The following SH3D19 variants were observed in gnomAD, a reference collection of about 807,000 sequenced individuals.
The protein encoded by SH3D19 is SH3 domain-containing protein 19.
SH3D19 carries 58 observed loss-of-function variants against 112.1 expected under a neutral mutation model. That is an observed-to-expected ratio of 0.52 (90% CI 0.42 to 0.64). SH3D19 has a LOEUF of 0.64. Ranked by LOEUF, SH3D19 falls within the 30% of genes least tolerant of loss-of-function variation. SH3D19 has a pLI of 0.00. For synonymous variants in SH3D19, 391 were observed against 448.5 expected, an observed-to-expected ratio of 0.87 and a Z score of 1.62; for missense variants, 1,090 against 1,263.4, an observed-to-expected ratio of 0.86 and a Z score of 2.08.
intron 1 of SH3D19, among the ~76,000 whole-genome samples, chr4:151,299,306 C>T (rs6844983): frequency 0.34 from 51,484 of 151,980 alleles, 9,958 homozygotes; most frequent in Non-Finnish European, 0.45. Context: ...CATGGCTGGG[C>T]GCAGTGGCTC....
At chr4:151,182,951 G>T (rs1241832299) in intron 3 of SH3D19, among the ~76,000 whole-genome samples, 1 of 151,700 alleles carries the variant, frequency 6.6e-6, no homozygotes, top group Non-Finnish European at 1.5e-5. Context: ...TTTTCAGTTA[G>T]AGTTATCCTA....
intron 2 of SH3D19, among the ~76,000 whole-genome samples, chr4:151,204,409 T>C (rs2149892704): frequency 6.6e-6 from 1 of 152,344 alleles, no homozygotes; most frequent in Non-Finnish European, 1.5e-5. Context: ...TAACTCTTAA[T>C]AGGGTTTACA....
chr4:151,282,582 AT>A (rs1421016267), intron 1 of SH3D19, among the ~76,000 whole-genome samples: 6 of 152,164 alleles, frequency 3.9e-5, no homozygotes, highest in Non-Finnish European at 8.8e-5. Flanking sequence ...TGACATTTAT[AT>A]TTTTATGTTA....
In SH3D19 at chr4:151,175,638, G is replaced by A; in HGVS notation, c.566C>T (p.Ser189Leu). Reference protein sequence around the residue: ...QAPLKPLQPFSAVSSGNLPTN... With the variant: ...QAPLKPLQPFLAVSSGNLPTN... ...TGGAAGATTGCCAGACGAGACTGCT[G>A]AGAAAGGCTGAAGAGGCTTGAGAGG... Residue 189 changes from serine to leucine, a missense_variant, in exon 7 of 20, where the codon TCA becomes TTA. By Grantham distance (145) the Ser-to-Leu change is moderately radical. Coordinates refer to ENST00000604030, the MANE Select transcript of SH3D19 (RefSeq NM_001378122.1). 1 of 1,309,594 alleles carries A rather than the reference G, an allele frequency of 7.6e-7. No homozygotes were observed. The highest frequency in any genetic ancestry group is 9.7e-7 in the Non-Finnish European group (1 of 1,035,474). The allele number at this position is 1,309,594 out of a possible 1,614,324, so 81.1% of individuals were successfully genotyped here. A position where few individuals can be genotyped will look rare whatever the true frequency, so the allele number is the denominator to read the frequency against.
At chr4:151,314,975 C>T (rs948667730) in intron 1 of SH3D19, among the ~76,000 whole-genome samples, 17 of 152,132 alleles carry the variant, frequency 1.1e-4, no homozygotes, top group African/African-American at 4.1e-4. Flanking sequence ...CAACCCCATT[C>T]AACAACTTTT....
intron 3 of SH3D19, among the ~76,000 whole-genome samples, chr4:151,183,051 G>T (rs896179327): frequency 2.0e-5 from 3 of 150,376 alleles, no homozygotes; most frequent in Non-Finnish European, 4.4e-5. Context: ...GAGTGCAGTG[G>T]CACGACCTTG....
At chr4:151,200,408 T>A (rs1191472650) in intron 2 of SH3D19, among the ~76,000 whole-genome samples, 1 of 152,204 alleles carries the variant, frequency 6.6e-6, no homozygotes, top group Non-Finnish European at 1.5e-5. Flanking sequence ...TAACCATTAT[T>A]AAAAATTAAG....
At chr4:151,187,802 T>C (rs1239435908) in intron 2 of SH3D19, among the ~76,000 whole-genome samples, 1 of 152,236 alleles carries the variant, frequency 6.6e-6, no homozygotes, top group Non-Finnish European at 1.5e-5. Context: ...CTTATGGCTC[T>C]TTTGTGTTTG....
At chr4:151,216,877 C>CTGTGTGTGTGTG (rs34575245) in intron 2 of SH3D19, among the ~76,000 whole-genome samples, 333 of 140,866 alleles carry the variant, frequency 2.4e-3, no homozygotes, top group African/African-American at 5.4e-3. Context: ...CAAAACAACA[C>CTGTGTGTGTGTG]TGTGTGTGTG....
Position 151,291,310 on chromosome 4 carries a change from G to A in SH3D19, c.112+33931C>T, listed in dbSNP as rs777014882. On this transcript the variant is annotated intron_variant, in intron 1 of 19. Transcript: ENST00000604030. ...CTTCTCTGACTTCTTGTTCCCTATT[G>A]TCCTACTCTCTCTGGCTCTCCTGCG... The A allele has an allele frequency of 2.2e-5, 36 of 1,613,812 alleles. No homozygotes were observed. Among genetic ancestry groups the A allele is most frequent in the Non-Finnish European group, 2.5e-5 (29 of 1,179,874 alleles).
rs138385834 is a variant in SH3D19 at position 151,121,783 on chromosome 4, G to A, written c.*308C>T. On this transcript the variant is annotated 3_prime_UTR_variant, in exon 20 of 20. Transcript: ENST00000604030. ...TGTGCTGATTAAAACAGATGTCCAC[G>A]TGCAACTTCTGTGTGTGAGCCTCCC... 745 of 218,706 alleles carry A rather than the reference G, an allele frequency of 3.4e-3. 10 individuals carry two copies. Among genetic ancestry groups the A allele is most frequent in the Non-Finnish European group, 2.5e-3 (286 of 112,644 alleles). 13.5% of individuals were successfully genotyped at this position (218,706 alleles called of 1,614,324 possible).
intron 2 of SH3D19, among the ~76,000 whole-genome samples, chr4:151,201,959 C>A (rs557716155): frequency 2.9e-4 from 44 of 151,670 alleles, no homozygotes; most frequent in South Asian, 1.0e-3. Context: ...TTACAGTGAG[C>A]CGAGATTGCC....
rs1338595258 is a variant in SH3D19 at position 151,127,658 on chromosome 4, T to C, written c.2987A>G (p.Tyr996Cys). The C allele has an allele frequency of 3.7e-6, 6 of 1,606,962 alleles. No homozygotes were observed. The Admixed American group carries it at 5.2e-5, about 14-fold the overall frequency. The change falls in exon 19 of 20, where the codon TAT becomes TGT. Residue 996 changes from tyrosine (Y) to cysteine (C), a missense_variant. Tyr to Cys is a radical substitution (Grantham distance 194). Transcript: ENST00000604030. ...ATCTTCATTCTCCCCTCGGAAATCA[T>C]ATAAGGCTTTGGCCTTCCTCCCCTT... Reference protein sequence around the residue: ...VPKGRKAKALYDFRGENEDEL... With the variant: ...VPKGRKAKALCDFRGENEDEL...
At chr4:151,292,764 C>T (rs12643490) in intron 1 of SH3D19, among the ~76,000 whole-genome samples, 132,392 of 152,174 alleles carry the variant, frequency 0.87, 58,495 homozygotes, top group Non-Finnish European at 0.96. Flanking sequence ...TTACAAGATA[C>T]GGATCCTTTT....
At chr4:151,305,836 A>G (rs1263118624) in intron 1 of SH3D19, among the ~76,000 whole-genome samples, 1 of 152,210 alleles carries the variant, frequency 6.6e-6, no homozygotes, top group South Asian at 2.1e-4. Context: ...TGTTTACAGC[A>G]GCTTATTCAT....
chr4:151,290,843 G>GA (rs1420428544), intron 1 of SH3D19, among the ~76,000 whole-genome samples: 1 of 152,162 alleles, frequency 6.6e-6, no homozygotes, highest in Non-Finnish European at 1.5e-5. Context: ...TATCTTTAGT[G>GA]AAAAAATCAT....
At chr4:151,235,096 A>T (rs543877807) in intron 1 of SH3D19, among the ~76,000 whole-genome samples, 2 of 151,814 alleles carry the variant, frequency 1.3e-5, no homozygotes, top group Admixed American at 6.6e-5. Flanking sequence ...GGTTTGTTAC[A>T]TGTTTCAAAG....
intron 2 of SH3D19, among the ~76,000 whole-genome samples, chr4:151,189,348 T>C (rs2407430): frequency 0.83 from 126,338 of 151,876 alleles, 54,072 homozygotes; most frequent in Non-Finnish European, 0.95. Flanking sequence ...CTCCTGACCT[T>C]GTGATCTGCC....
intron 2 of SH3D19, among the ~76,000 whole-genome samples, chr4:151,223,461 C>A (rs1055494126): frequency 6.6e-6 from 1 of 152,164 alleles, no homozygotes. Context: ...TAGTTGAGCA[C>A]TTCCTAGCTT....
Sources: gnomAD v4.1 joint callset for allele counts (sites outside exome capture counted in the v4.1 genomes callset) on GRCh38, gnomAD v4.1.1 for gene constraint, MANE v1.5 for transcripts, NCBI Gene and HGNC (gene_info 2026-07-23, HGNC 2026-07-21) for gene names.